Variants in TCP1 observed in about 807,000 individuals in gnomAD.
TCP1 encodes the protein T-complex protein 1 subunit alpha.
In TCP1, 6 loss-of-function variants were observed where a neutral mutation model predicts 54.7. The observed-to-expected ratio is 0.11, with a 90% CI of 0.06 to 0.22. The LOEUF (loss-of-function observed/expected upper bound fraction) is 0.22, where lower values mean the gene tolerates loss of function less well. TCP1 is among the 10% of genes least tolerant of loss of function. The pLI, the probability that TCP1 is intolerant of heterozygous loss-of-function variation, is 1.00. For synonymous variants in TCP1, 225 were observed against 229.7 expected (o/e 0.98, Z 0.19); for missense variants, 511 against 678.2 (o/e 0.75, Z 2.74).
At position 159,789,572 on chromosome 6, in the gene TCP1, A is replaced by C; in HGVS notation, c.-104T>G. 3.7e-6 allele frequency: 5 copies of C among 1,367,538 alleles called. No homozygotes were observed. The South Asian group carries it at 3.7e-5, about 10-fold the overall frequency. The allele number at this position is 1,367,538 out of a possible 1,614,324, so 84.7% of individuals were successfully genotyped here. On this transcript the variant is annotated 5_prime_UTR_variant, in exon 1 of 12. Transcript: ENST00000321394. ...CACAGCAGTGGCTGCGACGGCGTGGAGCGTACCCGAGCGATGTCCCAGGAG... is the reference window on the plus strand; with the variant it reads ...CACAGCAGTGGCTGCGACGGCGTGGCGCGTACCCGAGCGATGTCCCAGGAG...
chr6:159,781,710 C>T (rs1179417651), intron 7 of TCP1, among the ~76,000 whole-genome samples: 1 of 152,108 alleles, frequency 6.6e-6, no homozygotes, highest in Admixed American at 6.6e-5. Context: ...AGGCGGAGGT[C>T]GCAGTGAGCC....
At chr6:159,788,253 A>G (rs763306646) in intron 1 of TCP1, 110 bp from the exon 2 acceptor site, 1 of 961,706 alleles carries the variant, frequency 1.0e-6, no homozygotes, top group South Asian at 1.5e-5. Flanking sequence ...CGTATTTCCC[A>G]AATCTACAAA....
At chr6:159,789,115 A>T (rs1780780648) in intron 1 of TCP1, 1 of 445,982 alleles carries the variant, frequency 2.2e-6, no homozygotes, top group Non-Finnish European at 4.0e-6. Context: ...CGAGCCCGGG[A>T]GGCCCGCTTT....
At chr6:159,782,479 C>T (rs1780599754) in intron 7 of TCP1, among the ~76,000 whole-genome samples, 2 of 151,898 alleles carry the variant, frequency 1.3e-5, no homozygotes, top group Non-Finnish European at 2.9e-5. Flanking sequence ...ACAGTCTAGG[C>T]AAGAAAATGA....
At chr6:159,787,897 G>C in intron 2 of TCP1, 26 bp from the exon 3 acceptor site, 7 of 1,612,946 alleles carry the variant, frequency 4.3e-6, no homozygotes, top group Non-Finnish European at 5.9e-6. Context: ...GAAAAAATAT[G>C]AACCACTTAT....
Position 159,780,920 on chromosome 6 carries a change from C to T in TCP1, c.973+15G>A. The stretch of plus-strand genomic sequence containing the variant: ...TAATAAAAGTATTTTATGTGACAGC[C>T]AGCACAAGACATACCTCCAGAAGCT... On this transcript the variant is annotated intron_variant, in intron 8 of 11. Transcript: ENST00000321394. 6.4e-7 allele frequency: 1 copy of T among 1,574,270 alleles called. No individual in the cohort carries two copies. The highest frequency in any genetic ancestry group is 8.6e-7 in the Non-Finnish European group (1 of 1,166,728).
chr6:159,782,351 G>A (rs985138270), intron 7 of TCP1, among the ~76,000 whole-genome samples: 3 of 152,124 alleles, frequency 2.0e-5, no homozygotes, highest in African/African-American at 7.2e-5. Flanking sequence ...ATAAACTCAT[G>A]GTAAAAACTG....
intron 3 of TCP1, among the ~76,000 whole-genome samples, chr6:159,787,461 C>T (rs1201544495): frequency 6.6e-6 from 1 of 152,152 alleles, no homozygotes; most frequent in Non-Finnish European, 1.5e-5. Flanking sequence ...ACATTTAAAA[C>T]AATGGGGCTA....
At chr6:159,788,659 G>A (rs1780759536) in intron 1 of TCP1, 1 of 153,560 alleles carries the variant, frequency 6.5e-6, no homozygotes, top group Admixed American at 6.5e-5. Context: ...TTTTCCTTCA[G>A]ATTCTGCAAG....
chr6:159,780,924 A>G lies in TCP1; in HGVS notation c.973+11T>C. On this transcript the variant is annotated intron_variant, in intron 8 of 11. Coordinates refer to ENST00000321394, the MANE Select transcript of TCP1 (RefSeq NM_030752.3). ...AAAAGTATTTTATGTGACAGCCAGC[A>G]CAAGACATACCTCCAGAAGCTTTGG... The G allele has an allele frequency of 6.3e-7, 1 of 1,591,136 alleles. No homozygotes were observed. Among genetic ancestry groups the G allele is most frequent in the South Asian group, 1.1e-5 (1 of 87,108 alleles).
rs1460130350 is a variant in TCP1 at position 159,789,249 on chromosome 6, G to T, written c.64+156C>A. On this transcript the variant is annotated intron_variant, in intron 1 of 11. Coordinates refer to ENST00000321394, the MANE Select transcript of TCP1 (RefSeq NM_030752.3). The stretch of plus-strand genomic sequence containing the variant: ...GGGAAAAGTGGGGCCACAGCGCCCT[G>T]CCCCAGAGAACGGCGGGTGGGCTGG... The T allele has an allele frequency of 6.2e-6, 5 of 801,708 alleles. No individual in the cohort carries two copies. In the East Asian group the frequency reaches 1.1e-4, roughly 17 times the overall value. The allele number at this position is 801,708 out of a possible 1,614,324, so 49.7% of individuals were successfully genotyped here.
intron 1 of TCP1, 156 bp from the exon 2 acceptor site, chr6:159,788,299 T>A: frequency 4.6e-6 from 3 of 651,880 alleles, no homozygotes; most frequent in East Asian, 5.8e-5. Context: ...CTACTAAGAG[T>A]GTAAATGGGG....
rs1780753925 is a variant in TCP1 at position 159,788,517 on chromosome 6, G to A, written c.65-374C>T. ...GCACTCTCGTCTGGGCGACAGGTGG[G>A]ACCCTGTCCCTAAACAAAGCGAGCC... On this transcript the variant is annotated intron_variant, in intron 1 of 11. Transcript: ENST00000321394. 4 of 186,888 alleles carry A rather than the reference G, an allele frequency of 2.1e-5. No individual in the cohort carries two copies. In the South Asian group the frequency reaches 3.9e-4, roughly 18 times the overall value. 11.6% of individuals were successfully genotyped at this position (186,888 alleles called of 1,614,324 possible).
rs1406614206 is a variant in TCP1 at position 159,779,107 on chromosome 6, T to C, written c.1609A>G (p.Ser537Gly). 2 of 1,614,116 alleles carry C rather than the reference T, an allele frequency of 1.2e-6. No homozygotes were observed. Among genetic ancestry groups the C allele is most frequent in the South Asian group, 2.2e-5 (2 of 91,078 alleles). The change falls in exon 12 of 12, where the codon AGT (serine) becomes GGT (glycine). Residue 537 changes from serine to glycine, a missense_variant. By Grantham distance (56) the Ser-to-Gly change is moderately conservative. Coordinates refer to ENST00000321394, the MANE Select transcript of TCP1 (RefSeq NM_030752.3). ...IDDLIKLHPE[S>G]KDDKHGSYED... Reference sequence around the variant, plus strand: ...TAACTTCCATGTTTATCATCTTTACTTTCTGGATGTAATTTAATAAGATCA... The same window carrying C: ...TAACTTCCATGTTTATCATCTTTACCTTCTGGATGTAATTTAATAAGATCA...
rs1319930873 is a variant in TCP1, at chr6:159,779,609, G to A, written c.1454+18C>T. ...CCTGTTCTGCAGAGGTTAACAAAGA[G>A]CGGGAAACCATGCTTACCATTTTAG... On this transcript the variant is annotated intron_variant, in intron 11 of 11. Coordinates refer to ENST00000321394, the MANE Select transcript of TCP1 (RefSeq NM_030752.3). The A allele has an allele frequency of 3.8e-6, 6 of 1,588,780 alleles. No individual in the cohort carries two copies. Among genetic ancestry groups the A allele is most frequent in the Non-Finnish European group, 5.1e-6 (6 of 1,171,626 alleles).
chr6:159,788,027 G>A (rs770458494), intron 2 of TCP1, 31 bp downstream of exon 2: 4 of 1,610,622 alleles, frequency 2.5e-6, no homozygotes, highest in Middle Eastern at 3.3e-4. Context: ...TTTACTTTAA[G>A]GAAACTAACA....
At chr6:159,789,120 C>G (rs894319268) in intron 1 of TCP1, 26 of 457,946 alleles carry the variant, frequency 5.7e-5, no homozygotes, top group Non-Finnish European at 9.8e-5. Flanking sequence ...CCGGGAGGCC[C>G]GCTTTCCCGC....
chr6:159,783,134 C>T (rs573696755), intron 7 of TCP1, among the ~76,000 whole-genome samples: 3 of 152,226 alleles, frequency 2.0e-5, no homozygotes, highest in South Asian at 2.1e-4. Context: ...AGGAAGAATC[C>T]AGGAAAGAGC....
chr6:159,783,889 A>C, intron 7 of TCP1, 52 bp downstream of exon 7: 1 of 1,520,790 alleles, frequency 6.6e-7, no homozygotes, highest in Non-Finnish European at 8.8e-7. Context: ...AAAATGTTAA[A>C]GTCCTCCAAG....
Sources: allele counts gnomAD v4.1 joint callset (sites outside exome capture counted in the v4.1 genomes callset), GRCh38; gene constraint gnomAD v4.1.1; transcripts MANE v1.5; gene names NCBI Gene and HGNC (gene_info 2026-07-23, HGNC 2026-07-21).